The following PAK6 variants were observed in gnomAD, a reference collection of about 807,000 sequenced individuals.
PAK6 encodes serine/threonine-protein kinase PAK 6.
In PAK6, 33 loss-of-function variants were observed where a neutral mutation model predicts 60.8. That is an observed-to-expected ratio of 0.54 (90% CI 0.41 to 0.73). The LOEUF is 0.73. Among genes scored for constraint, PAK6 ranks in the 30% least tolerant of loss-of-function variants. PAK6 has a pLI of 0.00. For missense variants in PAK6, 845 were observed against 904.1 expected (o/e 0.93, Z 0.84); for synonymous variants, 404 against 378.5 (o/e 1.07, Z -0.78).
chr15:40,269,964 C>A (rs1172466425), intron 5 of PAK6, among the ~76,000 whole-genome samples: 1 of 152,272 alleles, frequency 6.6e-6, no homozygotes, highest in African/African-American at 2.4e-5. Flanking sequence ...TCTCATTTTA[C>A]AGCCTTTCTT....
intron 2 of PAK6, among the ~76,000 whole-genome samples, chr15:40,248,915 C>G (rs376364855): frequency 6.6e-6 from 1 of 152,194 alleles, no homozygotes; most frequent in Non-Finnish European, 1.5e-5. Context: ...GATACACTTC[C>G]GTTCAAATTC....
exon 6 of PAK6, chr15:40,272,461 C>A (rs2140991791): frequency 1.2e-6 from 2 of 1,613,774 alleles, no homozygotes; most frequent in East Asian, 4.5e-5. Flanking sequence ...CAACCTGTAC[C>A]TGCCCCAGGA....
intron 3 of PAK6, among the ~76,000 whole-genome samples, chr15:40,262,883 AATT>A (rs5812156): frequency 0.22 from 21,165 of 95,642 alleles, 2,083 homozygotes; most frequent in African/African-American, 0.39. Context: ...AATCTCTCCA[AATT>A]ATTAGTGGGA....
At chr15:40,264,808 A>G in exon 4 of PAK6, 1 of 1,613,860 alleles carries the variant, frequency 6.2e-7, no homozygotes, top group South Asian at 1.1e-5. Flanking sequence ...AAAAAGAAGA[A>G]ACGCCCTGAG....
At chr15:40,261,977 C>T (rs2038996358) in intron 3 of PAK6, among the ~76,000 whole-genome samples, 1 of 151,962 alleles carries the variant, frequency 6.6e-6, no homozygotes, top group African/African-American at 2.4e-5. Flanking sequence ...TAAAGATGCT[C>T]TCCCTGTGCA....
In PAK6 at chr15:40,274,224, C is replaced by T. The variant is rs747582149; in HGVS notation, c.1826C>T (p.Ala609Val). 2 of 1,613,578 alleles carry T rather than the reference C, an allele frequency of 1.2e-6. No homozygotes were observed. The highest frequency in any genetic ancestry group is 3.3e-5 in the Admixed American group (2 of 59,974). The change falls in exon 10 of 11, where the codon GCC becomes GTC. Residue 609 changes from alanine to valine, a missense_variant. By Grantham distance (64) the Ala-to-Val change is moderately conservative (BLOSUM62 0). Coordinates refer to ENST00000560346, the Ensembl canonical transcript of PAK6. Reference sequence around the variant, plus strand: ...TACTTCAGTGACTCCCCAGTGCAAGCCATGAAGAGGCTCCGGGACAGCCCC... The same window carrying T: ...TACTTCAGTGACTCCCCAGTGCAAGTCATGAAGAGGCTCCGGGACAGCCCC...
At chr15:40,267,099 T>C (rs779440278) in intron 5 of PAK6, 2 of 152,332 alleles carry the variant, frequency 1.3e-5, no homozygotes, top group African/African-American at 4.8e-5. Context: ...TCATGACTCT[T>C]GCGTATGAAG....
intron 3 of PAK6, among the ~76,000 whole-genome samples, chr15:40,253,890 T>G (rs1196360950): frequency 2.0e-5 from 3 of 152,180 alleles, no homozygotes. Flanking sequence ...TCTGGTGGTT[T>G]TTTGGGGGCT....
chr15:40,273,392 G>A, exon 8 of PAK6: 1 of 1,613,940 alleles, frequency 6.2e-7, no homozygotes, highest in Non-Finnish European at 8.5e-7. Flanking sequence ...TGTGCTGCAG[G>A]CCCTGGCCTA....
intron 3 of PAK6, among the ~76,000 whole-genome samples, chr15:40,255,959 G>C (rs1199844803): frequency 6.6e-6 from 1 of 152,232 alleles, no homozygotes; most frequent in African/African-American, 2.4e-5. Context: ...CTGTTTGGAA[G>C]AAGCAAACTA....
intron 2 of PAK6, chr15:40,247,288 G>T (rs1180487528): frequency 6.6e-6 from 1 of 152,278 alleles, no homozygotes; most frequent in Non-Finnish European, 1.5e-5. Flanking sequence ...AAGATATTTG[G>T]ATGGAACTTT....
At chr15:40,255,371 T>G (rs1165514873) in intron 3 of PAK6, among the ~76,000 whole-genome samples, 1 of 152,318 alleles carries the variant, frequency 6.6e-6, no homozygotes. Context: ...GCAGGTTGCA[T>G]GTCATGCTGT....
intron 2 of PAK6, among the ~76,000 whole-genome samples, chr15:40,247,900 G>A (rs758132335): frequency 2.6e-5 from 4 of 152,180 alleles, no homozygotes; most frequent in Non-Finnish European, 5.9e-5. Flanking sequence ...CATGCCCAGG[G>A]TCGGGGAGGG....
At chr15:40,253,057 G>C in intron 2 of PAK6, 121 bp from the exon 3 acceptor site, 1 of 387,774 alleles carries the variant, frequency 2.6e-6, no homozygotes, top group African/African-American at 2.1e-5. Flanking sequence ...ACCTGAGCCA[G>C]GAGTTCAGTC....
intron 3 of PAK6, chr15:40,263,881 T>C (rs2039048295): frequency 4.4e-6 from 2 of 455,694 alleles, no homozygotes; most frequent in Non-Finnish European, 4.4e-6. Flanking sequence ...CCTCCCAGAG[T>C]ACTAGGATTA....
rs34869667 is a variant in PAK6 at position 40,266,266 on chromosome 15, C to T, written c.629C>T (p.Thr210Met). ...TCCCCACCAGGAGCCTCGCCCCCCA[C>T]GGGCACCAATAGGCATGGAATGAAG... is the stretch of plus-strand genomic sequence containing the variant. Residue 210 changes from threonine (T) to methionine (M), a missense_variant, in exon 5 of 11, where the codon ACG becomes ATG. Thr to Met is a moderately conservative substitution (Grantham distance 81, BLOSUM62 -1). Coordinates refer to ENST00000560346, the Ensembl canonical transcript of PAK6. 3.0e-5 allele frequency: 48 copies of T among 1,611,072 alleles called. No individual in the cohort carries two copies. The East Asian group carries it at 3.6e-4, about 12-fold the overall frequency.
rs770302351 is a variant in PAK6, at chr15:40,272,366, G to A, written c.1001G>A (p.Arg334His). The A allele has an allele frequency of 1.9e-5, 31 of 1,613,470 alleles. No individual in the cohort carries two copies. In the East Asian group the frequency reaches 2.2e-4, roughly 12 times the overall value. The change falls in exon 6 of 11, where the codon CGC (arginine) becomes CAC (histidine). Residue 334 changes from arginine to histidine, a missense_variant. Arg to His is a conservative substitution (Grantham distance 29). Transcript: ENST00000560346. Reference sequence around the variant, plus strand: ...ACCAGCAGCCCCCAGAAGTCCCTCCGCACAGCCCCGGCCACAGGCCAGCTT... The same window carrying A: ...ACCAGCAGCCCCCAGAAGTCCCTCCACACAGCCCCGGCCACAGGCCAGCTT...
chr15:40,269,412 G>A (rs1300407676), intron 5 of PAK6, among the ~76,000 whole-genome samples: 3 of 152,240 alleles, frequency 2.0e-5, no homozygotes, highest in Non-Finnish European at 4.4e-5. Context: ...GGGGAGCCAT[G>A]GCTCAGGGCG....
intron 2 of PAK6, among the ~76,000 whole-genome samples, chr15:40,242,016 G>A (rs1457097056): frequency 6.8e-6 from 1 of 147,564 alleles, no homozygotes; most frequent in Non-Finnish European, 1.5e-5. Context: ...GCTGAGCAGG[G>A]GCTGCTGCCC....
Sources: gnomAD v4.1 joint callset for allele counts (sites outside exome capture counted in the v4.1 genomes callset) on GRCh38, gnomAD v4.1.1 for gene constraint, MANE v1.5 for transcripts, NCBI Gene and HGNC (gene_info 2026-07-23, HGNC 2026-07-21) for gene names.